Variants in SPMAP2L observed in about 807,000 individuals in gnomAD.
SPMAP2L encodes the protein sperm microtubule associated protein 2 like.
chr4:56,577,586 A>AAAAT, the SPMAP2L span, among the ~76,000 whole-genome samples: 1,018 of 152,186 alleles, frequency 6.7e-3, 15 homozygotes, highest in African/African-American at 0.023. Context: ...ACTCTGTCTC[A>AAAAT]AAATAAATAA....
chr4:56,620,959 G>T, the SPMAP2L span, among the ~76,000 whole-genome samples: 1 of 152,130 alleles, frequency 6.6e-6, no homozygotes, highest in Non-Finnish European at 1.5e-5. Flanking sequence ...AATTCTGTGA[G>T]TGAGGTTAGT....
chr4:56,570,168 A>G, the SPMAP2L span, among the ~76,000 whole-genome samples: 67 of 152,162 alleles, frequency 4.4e-4, 1 homozygote, highest in Non-Finnish European at 1.6e-4. Flanking sequence ...AGCTTTTCAC[A>G]GAGACCTTCC....
chr4:56,577,318 T>C, the SPMAP2L span, among the ~76,000 whole-genome samples: 1 of 151,890 alleles, frequency 6.6e-6, no homozygotes, highest in African/African-American at 2.4e-5. Flanking sequence ...GGCACAAGAA[T>C]AGACTGAAAG....
At chr4:56,615,488 T>C in the SPMAP2L span, among the ~76,000 whole-genome samples, 85 of 152,310 alleles carry the variant, frequency 5.6e-4, no homozygotes, top group African/African-American at 2.0e-3. Flanking sequence ...GGGACACGCC[T>C]GTAATCCCAG....
chr4:56,561,889 A>T, the SPMAP2L span, among the ~76,000 whole-genome samples: 250 of 151,862 alleles, frequency 1.6e-3, 1 homozygote, highest in African/African-American at 5.9e-3. Context: ...ATGCCCAACT[A>T]ATTTTTGTAT....
At chr4:56,614,633 G>T in the SPMAP2L span, among the ~76,000 whole-genome samples, 1 of 151,908 alleles carries the variant, frequency 6.6e-6, no homozygotes, top group African/African-American at 2.4e-5. Context: ...CAGCCTGGGC[G>T]ACAGAGCGAG....
the SPMAP2L span, among the ~76,000 whole-genome samples, chr4:56,572,636 C>A: frequency 2.0e-5 from 3 of 152,150 alleles, no homozygotes; most frequent in Non-Finnish European, 4.4e-5. Flanking sequence ...TTGTTTCTCT[C>A]TCTTAAACTT....
the SPMAP2L span, chr4:56,552,653 G>T: frequency 9.1e-7 from 1 of 1,103,662 alleles, no homozygotes; most frequent in South Asian, 1.3e-5. Context: ...TGATGATTGT[G>T]TTCATTACAT....
the SPMAP2L span, among the ~76,000 whole-genome samples, chr4:56,533,072 A>ATT: frequency 6.6e-6 from 1 of 151,818 alleles, no homozygotes; most frequent in African/African-American, 2.4e-5. Context: ...TATTCCATGG[A>ATT]CCAACAATGG....
the SPMAP2L span, among the ~76,000 whole-genome samples, chr4:56,599,236 G>A: frequency 6.6e-6 from 1 of 152,014 alleles, no homozygotes; most frequent in Admixed American, 6.6e-5. Flanking sequence ...AGGCTGGAGA[G>A]CAGTGGTGCT....
chr4:56,569,628 G>A, the SPMAP2L span, among the ~76,000 whole-genome samples: 1 of 152,024 alleles, frequency 6.6e-6, no homozygotes, highest in Non-Finnish European at 1.5e-5. Flanking sequence ...TGGCCAACAT[G>A]GTGAAACCCT....
the SPMAP2L span, chr4:56,584,640 T>C: frequency 7.0e-7 from 1 of 1,435,310 alleles, no homozygotes; most frequent in Non-Finnish European, 9.5e-7. Context: ...AAGAAACAGT[T>C]CCTGATTGAC....
the SPMAP2L span, among the ~76,000 whole-genome samples, chr4:56,600,025 G>A: frequency 6.6e-5 from 10 of 151,518 alleles, no homozygotes; most frequent in Admixed American, 2.6e-4. Context: ...TGGCAAGGCT[G>A]TGGAGAAATA....
chr4:56,610,355 C>T, the SPMAP2L span, among the ~76,000 whole-genome samples: 2 of 152,208 alleles, frequency 1.3e-5, no homozygotes, highest in South Asian at 4.1e-4. Context: ...GAAAGGACAC[C>T]CTATTCAACA....
the SPMAP2L span, among the ~76,000 whole-genome samples, chr4:56,611,422 G>A: frequency 3.3e-5 from 5 of 152,082 alleles, no homozygotes; most frequent in South Asian, 1.0e-3. Context: ...TGGGAACTTG[G>A]GGGGAAAGTG....
At chr4:56,572,795 C>T in the SPMAP2L span, among the ~76,000 whole-genome samples, 9 of 152,110 alleles carry the variant, frequency 5.9e-5, no homozygotes, top group Non-Finnish European at 1.2e-4. Context: ...GCAGGTGGAT[C>T]ACCTGAGGTC....
At chr4:56,621,316 C>T in the SPMAP2L span, among the ~76,000 whole-genome samples, 1 of 152,064 alleles carries the variant, frequency 6.6e-6, no homozygotes, top group Non-Finnish European at 1.5e-5. Flanking sequence ...TTATTTATTC[C>T]TATGGAAAAA....
At chr4:56,555,039 A>G in the SPMAP2L span, among the ~76,000 whole-genome samples, 1 of 151,074 alleles carries the variant, frequency 6.6e-6, no homozygotes, top group Non-Finnish European at 1.5e-5. Context: ...TCCCAGGTTC[A>G]AGTGATTCTC....
chr4:56,616,922 A>AC, the SPMAP2L span, among the ~76,000 whole-genome samples: 2 of 152,126 alleles, frequency 1.3e-5, no homozygotes, highest in Non-Finnish European at 2.9e-5. Flanking sequence ...CAAGAGATCT[A>AC]CCCCCTTAAC....
Sources: gnomAD v4.1 joint callset for allele counts (sites outside exome capture counted in the v4.1 genomes callset) on GRCh38, gnomAD v4.1.1 for gene constraint, MANE v1.5 for transcripts, NCBI Gene and HGNC (gene_info 2026-07-23, HGNC 2026-07-21) for gene names.